Variants in RBM5 observed in about 807,000 individuals in gnomAD.
RBM5 encodes the protein RNA binding motif protein 5.
In RBM5, 15 loss-of-function variants were observed where a neutral mutation model predicts 124.6. That is an observed-to-expected ratio of 0.12 (90% CI 0.08 to 0.19). The LOEUF (loss-of-function observed/expected upper bound fraction) is 0.19, where lower values mean the gene tolerates loss of function less well. Among genes scored for constraint, RBM5 ranks in the 10% least tolerant of loss-of-function variants. RBM5 has a pLI of 1.00. For synonymous variants in RBM5, 337 were observed against 361.2 expected, an observed-to-expected ratio of 0.93 and a Z score of 0.76; for missense variants, 580 against 1,026.5, an observed-to-expected ratio of 0.57 and a Z score of 5.94.
Position 50,117,157 on chromosome 3 carries a change from T to A in RBM5, c.2178T>A (p.Phe726Leu), listed in dbSNP as rs1220947096. 1.9e-6 allele frequency: 3 copies of A among 1,614,198 alleles called. No homozygotes were observed. Among genetic ancestry groups the A allele is most frequent in the Non-Finnish European group, 1.7e-6 (2 of 1,180,034 alleles). Residue 726 changes from phenylalanine to leucine, a missense_variant, in exon 23 of 25, where the codon TTT (phenylalanine) becomes TTA (leucine). Physicochemically the swap from Phe to Leu is conservative, Grantham distance 22. Coordinates refer to ENST00000347869, the MANE Select transcript of RBM5 (RefSeq NM_005778.4). The surrounding 1 kb of genome is among the most constrained non-coding windows in gnomAD (Gnocchi z 4.2). Reference protein sequence around the residue: ...EPPEPKRKKQFDAGTVNYEQP... With the variant: ...EPPEPKRKKQLDAGTVNYEQP... The stretch of plus-strand genomic sequence containing the variant: ...CAGAGCCCAAGCGCAAGAAGCAGTT[T>A]GATGCCGGCACTGTGTATGTGATGT...
intron 4 of RBM5, 151 bp from the exon 5 acceptor site, chr3:50,099,831 C>T: frequency 1.7e-6 from 1 of 600,504 alleles, no homozygotes; most frequent in Non-Finnish European, 2.8e-6. Context: ...CACTGCACTC[C>T]AGCCTGGGCA....
intron 13 of RBM5, 28 bp from the exon 14 acceptor site, chr3:50,108,204 G>T: frequency 1.9e-6 from 3 of 1,606,024 alleles, no homozygotes; most frequent in Non-Finnish European, 2.6e-6. Flanking sequence ...TCTGAGAATA[G>T]CAGCTTTAAT....
intron 3 of RBM5, chr3:50,093,129 ACT>A (rs1216942188): frequency 2.3e-5 from 3 of 128,314 alleles, no homozygotes; most frequent in African/African-American, 9.2e-5. Context: ...ACAGAGGGAG[ACT>A]CTGTCTCAAA....
At chr3:50,107,993 C>A in intron 12 of RBM5, 77 bp from the exon 13 acceptor site, 1 of 1,265,066 alleles carries the variant, frequency 7.9e-7, no homozygotes, top group Non-Finnish European at 1.2e-6. Context: ...GCATCATGAG[C>A]TCATTTTTAG....
At chr3:50,089,166 G>C (rs17050918) in intron 1 of RBM5, 137 bp downstream of exon 1, 3,197 of 152,616 alleles carry the variant, frequency 0.021, 140 homozygotes, top group African/African-American at 0.074. Context: ...CCCAGGCGTT[G>C]GAGGGCCGCG....
Position 50,106,829 on chromosome 3 carries a change from A to G in RBM5, c.918A>G (p.Lys306=), listed in dbSNP as rs1395155208. 15 of 1,612,878 alleles carry G rather than the reference A, an allele frequency of 9.3e-6. No individual in the cohort carries two copies. The highest frequency in any genetic ancestry group is 1.1e-5 in the Non-Finnish European group (13 of 1,178,980). The change falls in exon 11 of 25, where the codon AAA becomes AAG. Residue 306 remains lysine, a synonymous_variant. Coordinates refer to ENST00000347869, the MANE Select transcript of RBM5 (RefSeq NM_005778.4). ...SLHPPLKIDG[K]TIGVDFAKSA... ...ATCCTCCTTTGAAAATTGATGGCAA[A>G]ACTATTGGGGTTGATTTTGCAAAAA...
intron 21 of RBM5, 134 bp from the exon 22 acceptor site, chr3:50,115,772 C>A: frequency 8.5e-7 from 1 of 1,180,706 alleles, no homozygotes; most frequent in Non-Finnish European, 1.2e-6. Context: ...CCACACACAT[C>A]AAACTATAGT....
chr3:50,109,754 A>G, intron 15 of RBM5, 66 bp downstream of exon 15: 1 of 1,311,992 alleles, frequency 7.6e-7, no homozygotes, highest in Admixed American at 1.7e-5. Context: ...CTATACAAGT[A>G]TTACCCTTTC....
intron 17 of RBM5, among the ~76,000 whole-genome samples, chr3:50,111,669 C>T (rs1371786105): frequency 1.3e-5 from 2 of 152,134 alleles, no homozygotes; most frequent in African/African-American, 4.8e-5. Context: ...CCACTGTGCC[C>T]AGCCCTCTGT....
chr3:50,090,465 G>T lies in RBM5; in HGVS notation c.17+14G>T. On this transcript the variant is annotated intron_variant, in intron 2 of 24. Transcript: ENST00000347869. Reference sequence around the variant, plus strand: ...TTCAGACAAAAGGTAAGTTACTACAGTACGTGGCTTTGATCTCAACATTTC... The same window carrying T: ...TTCAGACAAAAGGTAAGTTACTACATTACGTGGCTTTGATCTCAACATTTC... 1.2e-6 allele frequency: 2 copies of T among 1,613,882 alleles called. No homozygotes were observed. The highest frequency in any genetic ancestry group is 2.2e-5 in the South Asian group (2 of 91,046).
chr3:50,110,917 T>C, intron 17 of RBM5, 147 bp downstream of exon 17: 1 of 643,838 alleles, frequency 1.6e-6, no homozygotes, highest in South Asian at 2.4e-5. Flanking sequence ...GTAATTTTTA[T>C]ATGGAGATTG....
rs748230558 is a variant in RBM5 at position 50,115,430 on chromosome 3, G to A, written c.1842G>A (p.Arg614=). ...RNGDEENPLK[R]GLVAAYSGDS... is the part of the protein sequence containing the mutation. ...ACCTGTCCTCCTTTTGTCTCCAGAG[G>A]GGTCTGGTTGCTGCTTACAGTGGTG... is the stretch of plus-strand genomic sequence containing the variant. The change falls in exon 21 of 25, where the codon AGG becomes AGA. Residue 614 remains arginine (R), a splice_region_variant and synonymous_variant. Transcript: ENST00000347869. 6.8e-6 allele frequency: 11 copies of A among 1,613,170 alleles called. No individual in the cohort carries two copies. The highest frequency in any genetic ancestry group is 1.6e-4 in the Middle Eastern group (1 of 6,072).
In RBM5 at chr3:50,105,532, G is replaced by C. The variant is rs554617654; in HGVS notation, c.695-17G>C. The stretch of plus-strand genomic sequence containing the variant: ...GTGGGAATGCATGTGTATGTCATTT[G>C]TCTCATTTACCCCTAGCGATCATTC... On this transcript the variant is annotated splice_polypyrimidine_tract_variant and intron_variant, in intron 9 of 24. Transcript: ENST00000347869. 2 of 1,608,456 alleles carry C rather than the reference G, an allele frequency of 1.2e-6. No individual in the cohort carries two copies. The highest frequency in any genetic ancestry group is 1.7e-5 in the Admixed American group (1 of 59,638).
At chr3:50,115,787 A>T in intron 21 of RBM5, 119 bp from the exon 22 acceptor site, 1 of 1,200,702 alleles carries the variant, frequency 8.3e-7, no homozygotes, top group Non-Finnish European at 1.2e-6. Flanking sequence ...TATAGTTTTT[A>T]TGTGATTGTG....
Position 50,100,429 on chromosome 3 carries a change from T to C in RBM5, c.410-103T>C. The C allele has an allele frequency of 1.1e-6, 1 of 950,330 alleles. No homozygotes were observed. Among genetic ancestry groups the C allele is most frequent in the Non-Finnish European group, 1.6e-6 (1 of 611,358 alleles). The allele number at this position is 950,330 out of a possible 1,614,324, so 58.9% of individuals were successfully genotyped here. A position where few individuals can be genotyped will look rare whatever the true frequency, so the allele number is the denominator to read the frequency against. On this transcript the variant is annotated intron_variant, in intron 5 of 24. Transcript: ENST00000347869. The surrounding 1 kb of genome is among the most constrained non-coding windows in gnomAD (Gnocchi z 5.1). ...TCACATTTGTAAAGCTGCTTCCCAA[T>C]TGGCTTTGTCACGCAGTGTTGAAGC...
rs1468457274 is a variant in RBM5, at chr3:50,105,551, A to G, written c.697A>G (p.Ile233Val). The G allele has an allele frequency of 4.3e-6, 7 of 1,613,084 alleles. No individual in the cohort carries two copies. Among genetic ancestry groups the G allele is most frequent in the Non-Finnish European group, 5.9e-6 (7 of 1,179,442 alleles). The change falls in exon 10 of 25, where the codon ATC (isoleucine) becomes GTC (valine). Residue 233 changes from isoleucine (I) to valine (V), a missense_variant and splice_region_variant. Ile to Val is a conservative substitution (Grantham distance 29). Around this residue, in one of 6 missense-constraint regions of RBM5, gnomAD observed 101 missense variants for 223.2 expected, o/e 0.45. Transcript: ENST00000347869. ...VQSVDYYCDTIILRNIAPHTV... is the reference protein window; with the variant it reads ...VQSVDYYCDTVILRNIAPHTV... ...TCATTTGTCTCATTTACCCCTAGCG[A>G]TCATTCTTCGGAACATAGCTCCGCA...
At chr3:50,110,606 T>G in intron 16 of RBM5, 73 bp from the exon 17 acceptor site, 1 of 1,481,168 alleles carries the variant, frequency 6.8e-7, no homozygotes. Context: ...CTGCTGCATC[T>G]CACTGGCTTA....
At chr3:50,089,658 A>G (rs2108980424) in intron 1 of RBM5, among the ~76,000 whole-genome samples, 1 of 152,192 alleles carries the variant, frequency 6.6e-6, no homozygotes, top group Non-Finnish European at 1.5e-5. Flanking sequence ...ATCGTTGAGC[A>G]TTCGCTCTAG....
At chr3:50,096,450 T>C (rs925533258) in intron 4 of RBM5, among the ~76,000 whole-genome samples, 2 of 151,988 alleles carry the variant, frequency 1.3e-5, no homozygotes, top group Admixed American at 1.3e-4. Flanking sequence ...TTCACGCCAC[T>C]GCACTCCAGC....
Sources: gnomAD v4.1 joint callset for allele counts (sites outside exome capture counted in the v4.1 genomes callset) on GRCh38, gnomAD v4.1.1 for gene constraint, gnomAD v4.1.1 regional missense constraint, Gnocchi (gnomAD v3.1) non-coding constraint, MANE v1.5 for transcripts, NCBI Gene and HGNC (gene_info 2026-07-23, HGNC 2026-07-21) for gene names.